CA10: variants seen among roughly 807,000 people sequenced by gnomAD.
The protein encoded by CA10 is carbonic anhydrase 10 (inactive), also known as carbonic anhydrase-related protein 10.
A neutral mutation model predicts 44.2 loss-of-function variants in CA10; 14 were observed. The observed-to-expected ratio is 0.32, with a 90% CI of 0.21 to 0.50. CA10 has a LOEUF of 0.50. Among genes scored for constraint, CA10 ranks in the 20% least tolerant of loss-of-function variants. The pLI is 0.99. For synonymous variants in CA10, 159 were observed against 141.6 expected (o/e 1.12, Z -0.87); for missense variants, 350 against 409.7 (o/e 0.85, Z 1.26).
chr17:51,672,052 A>C (rs1010906833), intron 4 of CA10, among the ~76,000 whole-genome samples: 7 of 152,188 alleles, frequency 4.6e-5, no homozygotes, highest in African/African-American at 1.7e-4. Flanking sequence ...TTTAGGGTAG[A>C]GATAATACTG....
intron 4 of CA10, among the ~76,000 whole-genome samples, chr17:51,679,416 C>A (rs1235022155): frequency 1.3e-5 from 2 of 151,838 alleles, no homozygotes; most frequent in Non-Finnish European, 2.9e-5. Flanking sequence ...CCCACCACCA[C>A]GCCCAGCTAA....
At chr17:52,121,531 TA>T (rs1258190017) in intron 1 of CA10, among the ~76,000 whole-genome samples, 1 of 152,126 alleles carries the variant, frequency 6.6e-6, no homozygotes, top group Non-Finnish European at 1.5e-5. Context: ...TGTGAAGCTG[TA>T]AACCCATTCC....
At chr17:51,693,263 G>C (rs1326642842) in intron 4 of CA10, among the ~76,000 whole-genome samples, 1 of 152,208 alleles carries the variant, frequency 6.6e-6, no homozygotes, top group Admixed American at 6.5e-5. Context: ...GTTTAAAGCA[G>C]TGGTAGCCAG....
At chr17:51,925,438 AAAC>A (rs990320287) in intron 3 of CA10, among the ~76,000 whole-genome samples, 52 of 152,248 alleles carry the variant, frequency 3.4e-4, no homozygotes, top group Admixed American at 5.9e-4. Context: ...AAAAAAAAAA[AAAC>A]AACAAGTTTC....
intron 2 of CA10, among the ~76,000 whole-genome samples, chr17:52,018,121 C>T (rs1490794936): frequency 6.6e-6 from 1 of 152,152 alleles, no homozygotes; most frequent in Non-Finnish European, 1.5e-5. Flanking sequence ...CAGACAGAAG[C>T]CTGCTTCAGA....
At chr17:51,643,725 T>C (rs958216259) in intron 6 of CA10, among the ~76,000 whole-genome samples, 8 of 152,208 alleles carry the variant, frequency 5.3e-5, no homozygotes, top group Non-Finnish European at 1.0e-4. Flanking sequence ...TAATTTTTAT[T>C]TGGCATCATA....
chr17:51,841,106 T>C (rs1469859523), intron 3 of CA10, among the ~76,000 whole-genome samples: 8 of 152,074 alleles, frequency 5.3e-5, no homozygotes, highest in East Asian at 1.9e-4. Flanking sequence ...ATATGCCAAG[T>C]CCCTTTTGTT....
intron 3 of CA10, among the ~76,000 whole-genome samples, chr17:51,899,737 G>T (rs1016923466): frequency 1.3e-5 from 2 of 152,060 alleles, no homozygotes; most frequent in African/African-American, 4.8e-5. Context: ...CTTCTATGTT[G>T]GGTGCATATA....
At chr17:51,643,511 G>T (rs1159671108) in intron 6 of CA10, among the ~76,000 whole-genome samples, 2 of 152,084 alleles carry the variant, frequency 1.3e-5, no homozygotes, top group Non-Finnish European at 2.9e-5. Flanking sequence ...GTTCAGGCTA[G>T]TTTTTTTCAT....
At chr17:51,930,038 TA>T (rs1473162029) in intron 3 of CA10, among the ~76,000 whole-genome samples, 12 of 152,146 alleles carry the variant, frequency 7.9e-5, no homozygotes, top group African/African-American at 2.7e-4. Flanking sequence ...CAAGAAAATA[TA>T]TTTCAATACA....
chr17:51,760,267 T>G (rs1905182865), intron 3 of CA10, among the ~76,000 whole-genome samples: 1 of 152,240 alleles, frequency 6.6e-6, no homozygotes, highest in Non-Finnish European at 1.5e-5. Flanking sequence ...AATTAGATAG[T>G]AAGTCTTTGC....
intron 1 of CA10, among the ~76,000 whole-genome samples, chr17:52,090,268 A>G (rs1988223691): frequency 6.6e-6 from 1 of 152,182 alleles, no homozygotes; most frequent in Non-Finnish European, 1.5e-5. Context: ...ATTCAGTAAC[A>G]TTAAGGGATT....
chr17:52,145,064 G>T (rs771123083), intron 1 of CA10, among the ~76,000 whole-genome samples: 2 of 152,162 alleles, frequency 1.3e-5, no homozygotes, highest in Non-Finnish European at 2.9e-5. Context: ...TACATCTGTA[G>T]CAGTCAATGA....
chr17:51,655,203 G>A (rs1913744176), intron 4 of CA10, among the ~76,000 whole-genome samples: 1 of 152,138 alleles, frequency 6.6e-6, no homozygotes, highest in Admixed American at 6.5e-5. Context: ...ATTCTCAGTT[G>A]CACAAACACC....
intron 4 of CA10, among the ~76,000 whole-genome samples, chr17:51,679,546 C>T (rs1396404436): frequency 4.8e-5 from 7 of 144,888 alleles, no homozygotes; most frequent in African/African-American, 7.7e-5. Flanking sequence ...CAGGCATGAG[C>T]CACCGTGCCT....
At chr17:51,941,396 C>G (rs548575514) in intron 2 of CA10, among the ~76,000 whole-genome samples, 1 of 152,138 alleles carries the variant, frequency 6.6e-6, no homozygotes, top group African/African-American at 2.4e-5. Context: ...TTTAGTCTAA[C>G]AGTTGTATTA....
At chr17:52,108,408 G>C (rs1988714789) in intron 1 of CA10, among the ~76,000 whole-genome samples, 1 of 151,382 alleles carries the variant, frequency 6.6e-6, no homozygotes. Flanking sequence ...ACATAAGAAT[G>C]ATGCCATGGG....
At chr17:51,999,073 A>T (rs1336027262) in intron 2 of CA10, among the ~76,000 whole-genome samples, 1 of 152,070 alleles carries the variant, frequency 6.6e-6, no homozygotes, top group Non-Finnish European at 1.5e-5. Context: ...TCCCTCCAAA[A>T]GATGTACATT....
intron 2 of CA10, among the ~76,000 whole-genome samples, chr17:51,989,319 G>C (rs907289118): frequency 6.6e-6 from 1 of 151,704 alleles, no homozygotes; most frequent in Non-Finnish European, 1.5e-5. Flanking sequence ...CTTCTCCCAT[G>C]CTCCACCCTC....
Sources: allele counts gnomAD v4.1 joint callset (sites outside exome capture counted in the v4.1 genomes callset), GRCh38; gene constraint gnomAD v4.1.1; transcripts MANE v1.5; gene names NCBI Gene and HGNC (gene_info 2026-07-23, HGNC 2026-07-21).